Variants in ANKHD1 observed in about 807,000 individuals in gnomAD.
ANKHD1 encodes ankyrin repeat and KH domain containing 1.
A neutral mutation model predicts 230.5 loss-of-function variants in ANKHD1; 31 were observed. The ratio of observed to expected loss-of-function variants is 0.13; its 90% CI spans 0.10 to 0.18. The LOEUF is 0.18. Ranked by LOEUF, ANKHD1 falls within the 10% of genes least tolerant of loss-of-function variation. The pLI is 1.00. For missense variants in ANKHD1, 2,256 were observed against 3,071.3 expected (o/e 0.73, Z 6.27); for synonymous variants, 1,074 against 1,117.6 (o/e 0.96, Z 0.78).
At chr5:140,415,268 A>C (rs2126857396) in intron 1 of ANKHD1, among the ~76,000 whole-genome samples, 1 of 151,706 alleles carries the variant, frequency 6.6e-6, no homozygotes, top group African/African-American at 2.4e-5. Flanking sequence ...CTGTAATCCC[A>C]GCTACTCAGG....
chr5:140,525,780 G>C (rs1281253962), intron 25 of ANKHD1, among the ~76,000 whole-genome samples: 1 of 150,676 alleles, frequency 6.6e-6, no homozygotes, highest in Admixed American at 6.6e-5. Context: ...AGGTTGCAGT[G>C]AGCCAATATC....
intron 10 of ANKHD1, among the ~76,000 whole-genome samples, chr5:140,480,837 AAAGAC>A (rs1328227575): frequency 2.0e-5 from 3 of 152,110 alleles, no homozygotes; most frequent in Non-Finnish European, 4.4e-5. Flanking sequence ...GCAAGCAAAA[AAAGAC>A]AAGATCATTC....
At chr5:140,475,924 TATA>T (rs1241386826) in intron 10 of ANKHD1, among the ~76,000 whole-genome samples, 1 of 152,068 alleles carries the variant, frequency 6.6e-6, no homozygotes, top group Admixed American at 6.6e-5. Flanking sequence ...AAAAGCAAAA[TATA>T]ATACACTCAA....
Position 140,497,089 on chromosome 5 carries a change from A to G in ANKHD1, c.2815A>G (p.Ser939Gly). 3 of 1,614,188 alleles carry G rather than the reference A, an allele frequency of 1.9e-6. No homozygotes were observed. Among genetic ancestry groups the G allele is most frequent in the Non-Finnish European group, 2.5e-6 (3 of 1,180,024 alleles). ...ATCATCTCCACAGTGTAACTTTTCC[A>G]GTGACTTAGGTTCTAATGGGACAAA... Reference protein sequence around the residue: ...PLSSPQCNFSSDLGSNGTNSL... With the variant: ...PLSSPQCNFSGDLGSNGTNSL... Residue 939 changes from serine to glycine, a missense_variant, in exon 15 of 34, where the codon AGT becomes GGT. Coordinates refer to ENST00000360839, the MANE Select transcript of ANKHD1 (RefSeq NM_017747.3).
Position 140,445,852 on chromosome 5 carries a change from T to G in ANKHD1, c.1024T>G (p.Leu342Val). 6.2e-7 allele frequency: 1 copy of G among 1,613,920 alleles called. No individual in the cohort carries two copies. Among genetic ancestry groups the G allele is most frequent in the South Asian group, 1.1e-5 (1 of 91,050 alleles). ...EDHNENGHTP[L>V]MEAASAGHVE... Reference sequence around the variant, plus strand: ...TCATAATGAAAATGGACATACTCCCTTAATGGAAGCAGCCAGTGCAGGTCA... The same window carrying G: ...TCATAATGAAAATGGACATACTCCCGTAATGGAAGCAGCCAGTGCAGGTCA... The change falls in exon 6 of 34, where the codon TTA becomes GTA. Residue 342 changes from leucine (L) to valine (V), a missense_variant. By Grantham distance (32) the Leu-to-Val change is conservative (BLOSUM62 1). Coordinates refer to ENST00000360839, the MANE Select transcript of ANKHD1 (RefSeq NM_017747.3).
chr5:140,522,538 CAA>C (rs1299019948), intron 24 of ANKHD1, among the ~76,000 whole-genome samples: 2 of 152,066 alleles, frequency 1.3e-5, no homozygotes, highest in African/African-American at 4.8e-5. Context: ...TAATTATCAA[CAA>C]AATATTTTCA....
At position 140,408,072 on chromosome 5, in the gene ANKHD1, G is replaced by A. The variant is rs574344379; in HGVS notation, c.306+5799G>A. ...GGCGCCTGTAATCCTAGCCACTTGG[G>A]AGGCTGAGGCAGGAGAATCTCTTGA... On this transcript the variant is annotated intron_variant, in intron 1 of 33. Transcript: ENST00000360839. Among the ~76,000 whole-genome samples, 200 of 152,280 alleles carry A rather than the reference G, an allele frequency of 1.3e-3. 4 individuals are homozygous for A. The highest frequency in any genetic ancestry group is 1.6e-3 in the Admixed American group (24 of 15,284).
At chr5:140,503,855 C>T (rs777683542) in intron 15 of ANKHD1, among the ~76,000 whole-genome samples, 1 of 151,894 alleles carries the variant, frequency 6.6e-6, no homozygotes. Context: ...GGATTATAGG[C>T]GTGAGCCATC....
intron 1 of ANKHD1, among the ~76,000 whole-genome samples, chr5:140,431,357 G>C (rs1200628622): frequency 6.6e-6 from 1 of 152,284 alleles, no homozygotes; most frequent in East Asian, 1.9e-4. Context: ...GTTCAAGTGA[G>C]TGCTGATAAA....
intron 14 of ANKHD1, among the ~76,000 whole-genome samples, chr5:140,491,836 A>G (rs950053605): frequency 6.6e-6 from 1 of 152,198 alleles, no homozygotes; most frequent in Non-Finnish European, 1.5e-5. Flanking sequence ...CCTTGCTTGT[A>G]TTAGATGTTT....
intron 14 of ANKHD1, among the ~76,000 whole-genome samples, chr5:140,489,406 C>G (rs1407727651): frequency 6.6e-6 from 1 of 152,050 alleles, no homozygotes; most frequent in Non-Finnish European, 1.5e-5. Flanking sequence ...AGAAAGATCA[C>G]TTGCACCCAG....
At chr5:140,481,957 C>T (rs1751295321) in intron 10 of ANKHD1, among the ~76,000 whole-genome samples, 1 of 151,976 alleles carries the variant, frequency 6.6e-6, no homozygotes, top group Admixed American at 6.6e-5. Flanking sequence ...GTGAGGCATG[C>T]ATGGTTAAAA....
chr5:140,440,980 A>G lies in ANKHD1; in HGVS notation c.766-15A>G, dbSNP rs774126235. On this transcript the variant is annotated splice_polypyrimidine_tract_variant and intron_variant, in intron 4 of 33. Coordinates refer to ENST00000360839, the MANE Select transcript of ANKHD1 (RefSeq NM_017747.3). Reference sequence around the variant, plus strand: ...AAGAATTAACAATTTCTCTGTCTGTATATGTGTTTTAAAGGTATTGCTTGC... The same window carrying G: ...AAGAATTAACAATTTCTCTGTCTGTGTATGTGTTTTAAAGGTATTGCTTGC... 1.3e-6 allele frequency: 2 copies of G among 1,582,238 alleles called. No individual in the cohort carries two copies. The highest frequency in any genetic ancestry group is 2.3e-5 in the East Asian group (1 of 43,044).
intron 1 of ANKHD1, among the ~76,000 whole-genome samples, chr5:140,433,753 TATA>T (rs535498554): frequency 9.9e-5 from 15 of 152,206 alleles, no homozygotes; most frequent in African/African-American, 3.6e-4. Context: ...ACATGAGACA[TATA>T]ATATTTATAA....
intron 15 of ANKHD1, among the ~76,000 whole-genome samples, 199 bp downstream of exon 15, chr5:140,497,477 T>C (rs1238576497): frequency 6.6e-6 from 1 of 152,236 alleles, no homozygotes; most frequent in Non-Finnish European, 1.5e-5. Context: ...CCCTCTTCTT[T>C]TTTGTCATAT....
intron 22 of ANKHD1, among the ~76,000 whole-genome samples, chr5:140,511,294 T>C (rs1245461479): frequency 6.6e-6 from 1 of 152,220 alleles, no homozygotes; most frequent in Non-Finnish European, 1.5e-5. Flanking sequence ...TCATTTATGC[T>C]ACTATCCCCT....
rs1002984396 is a variant in ANKHD1, at chr5:140,510,008, C to T, written c.3942-11C>T. On this transcript the variant is annotated splice_polypyrimidine_tract_variant and intron_variant, in intron 21 of 33. Transcript: ENST00000360839. ...TACAGGAAACAAACTATTAATATGC[C>T]TTGTTTACAGGGGAGCCCACATTGA... 3 of 1,603,926 alleles carry T rather than the reference C, an allele frequency of 1.9e-6. No homozygotes were observed. Among genetic ancestry groups the T allele is most frequent in the African/African-American group, 2.7e-5 (2 of 74,506 alleles).
intron 7 of ANKHD1, among the ~76,000 whole-genome samples, chr5:140,457,740 A>T (rs1775321156): frequency 1.3e-5 from 2 of 152,148 alleles, no homozygotes; most frequent in South Asian, 4.2e-4. Flanking sequence ...GCATTAGGAG[A>T]TATACCCAAT....
rs142924774 is a variant in ANKHD1 at position 140,492,661 on chromosome 5, T to G, written c.2246-3859T>G. On this transcript the variant is annotated intron_variant, in intron 14 of 33. Coordinates refer to ENST00000360839, the MANE Select transcript of ANKHD1 (RefSeq NM_017747.3). ...TGGGAATGCTGTTTAAAAATCATTCTAGTAGGGTGCTGTGTGATGATGTAA... is the reference window on the plus strand; with the variant it reads ...TGGGAATGCTGTTTAAAAATCATTCGAGTAGGGTGCTGTGTGATGATGTAA... 3.4e-3 allele frequency among the ~76,000 whole-genome samples: 516 copies of G among 152,314 alleles called. 2 individuals are homozygous for G. The highest frequency in any genetic ancestry group is 0.011 in the Admixed American group (162 of 15,302).
Sources: gnomAD v4.1 joint callset for allele counts (sites outside exome capture counted in the v4.1 genomes callset) on GRCh38, gnomAD v4.1.1 for gene constraint, MANE v1.5 for transcripts, NCBI Gene and HGNC (gene_info 2026-07-23, HGNC 2026-07-21) for gene names.